The following CPSF4L variants were observed in gnomAD, a reference collection of about 807,000 sequenced individuals.
The protein encoded by CPSF4L is cleavage and polyadenylation specific factor 4 like, also known as putative cleavage and polyadenylation specificity factor subunit 4-like protein.
A neutral mutation model predicts 24.0 loss-of-function variants in CPSF4L; 18 were observed. That is an observed-to-expected ratio of 0.75 (90% CI 0.52 to 1.11). The LOEUF (loss-of-function observed/expected upper bound fraction) is 1.11, where lower values mean the gene tolerates loss of function less well. CPSF4L is among the 50% of genes least tolerant of loss of function. The pLI is 0.00. For missense variants in CPSF4L, 211 were observed against 221.8 expected (o/e 0.95, Z 0.31); for synonymous variants, 72 against 77.2 (o/e 0.93, Z 0.35).
chr17:73,259,831 A>T (rs1262911459), intron 2 of CPSF4L, among the ~76,000 whole-genome samples: 3 of 152,216 alleles, frequency 2.0e-5, no homozygotes, highest in Non-Finnish European at 4.4e-5. Context: ...TGGATCAGAA[A>T]ACATGTCCTA....
At chr17:73,253,901 C>T (rs1184437045) in intron 4 of CPSF4L, 30 bp downstream of exon 4, 25 of 1,492,518 alleles carry the variant, frequency 1.7e-5, no homozygotes, top group Non-Finnish European at 2.3e-5. Context: ...CCCCACAGCC[C>T]CTAGGGCTCC....
chr17:73,250,350 T>C, intron 5 of CPSF4L: 17 of 1,549,028 alleles, frequency 1.1e-5, no homozygotes, highest in Non-Finnish European at 1.5e-5. Flanking sequence ...AAATTCAGAT[T>C]TCTAAAGATG....
upstream of CPSF4L, chr17:73,261,974 G>A (rs763175144): frequency 1.6e-6 from 1 of 627,124 alleles, no homozygotes; most frequent in African/African-American, 1.8e-5. Context: ...CTCCAGCCTG[G>A]GCTGTACAGG....
intron 2 of CPSF4L, among the ~76,000 whole-genome samples, chr17:73,258,490 C>T (rs1054328970): frequency 1.3e-4 from 20 of 151,724 alleles, no homozygotes; most frequent in Non-Finnish European, 1.5e-4. Context: ...TTAGTAGAGA[C>T]GGGGTTTCAC....
chr17:73,262,023 G>C (rs2062048952), upstream of CPSF4L: 3 of 583,568 alleles, frequency 5.1e-6, no homozygotes, highest in South Asian at 6.1e-5. Flanking sequence ...ACCCAGTGCA[G>C]GGGCAGACAC....
chr17:73,255,314 C>G (rs749093848), intron 3 of CPSF4L, among the ~76,000 whole-genome samples: 53 of 152,052 alleles, frequency 3.5e-4, no homozygotes, highest in Admixed American at 1.6e-3. Context: ...TGAGACCAGA[C>G]TGGCCAACAT....
At chr17:73,248,901 G>T in intron 5 of CPSF4L, 1 of 194,502 alleles carries the variant, frequency 5.1e-6, no homozygotes, top group South Asian at 1.0e-4. Flanking sequence ...TACTTTATGG[G>T]GCATCTACAT....
At chr17:73,243,169 T>C in the CPSF4L span, 3 of 687,984 alleles carry the variant, frequency 4.4e-6, no homozygotes, top group Non-Finnish European at 7.8e-6. Context: ...GTTTTATTTT[T>C]TTGAGATACA....
At chr17:73,245,805 A>G, downstream of CPSF4L, 25 of 768,976 alleles carry the variant, frequency 3.3e-5, no homozygotes, top group Non-Finnish European at 4.0e-5. Context: ...GTTAAATCAC[A>G]TTTTATACAT....
chr17:73,261,767 C>A lies in CPSF4L; in HGVS notation c.52G>T (p.Asp18Tyr). 1 of 1,551,844 alleles carries A rather than the reference C, an allele frequency of 6.4e-7. No homozygotes were observed. The highest frequency in any genetic ancestry group is 1.2e-5 in the South Asian group (1 of 84,060). ...LERFTFAFEK[D>Y]VEMQKGTGLL... Reference sequence around the variant, plus strand: ...CCAGTGCCCTTCTGCATCTCGACATCCTTCTCGAAGGCAAAGGTGAACCGC... The same window carrying A: ...CCAGTGCCCTTCTGCATCTCGACATACTTCTCGAAGGCAAAGGTGAACCGC... The change falls in exon 1 of 6, where the codon GAT (aspartate) becomes TAT (tyrosine). Residue 18 changes from aspartate to tyrosine, a missense_variant. Coordinates refer to ENST00000344935, the MANE Select transcript of CPSF4L (RefSeq NM_001129885.1).
At chr17:73,256,411 C>A (rs1258647330) in intron 3 of CPSF4L, among the ~76,000 whole-genome samples, 1 of 152,188 alleles carries the variant, frequency 6.6e-6, no homozygotes. Flanking sequence ...TTCTCAGGTA[C>A]CCAGGACCCT....
chr17:73,260,624 G>C (rs531004624), intron 2 of CPSF4L, among the ~76,000 whole-genome samples: 1 of 152,084 alleles, frequency 6.6e-6, no homozygotes, highest in African/African-American at 2.4e-5. Flanking sequence ...AAAATTAGCC[G>C]GGCTTGGTGG....
chr17:73,242,469 T>C, the CPSF4L span: 3,788 of 651,084 alleles, frequency 5.8e-3, 36 homozygotes, highest in Admixed American at 9.5e-3. Context: ...AAATGTGTGT[T>C]GTCTTCCTAG....
chr17:73,247,532 G>C (rs1238784170), downstream of CPSF4L: 2 of 545,660 alleles, frequency 3.7e-6, no homozygotes, highest in African/African-American at 1.9e-5. Flanking sequence ...TCATAATCAG[G>C]GTGCTGAAAC....
upstream of CPSF4L, among the ~76,000 whole-genome samples, chr17:73,263,567 C>A (rs185437768): frequency 1.5e-4 from 23 of 151,582 alleles, no homozygotes; most frequent in Admixed American, 3.3e-4. Flanking sequence ...GCTGAGGAGG[C>A]GCTCAAGGGT....
At chr17:73,250,730 A>G (rs1406572281) in intron 5 of CPSF4L, among the ~76,000 whole-genome samples, 2 of 152,196 alleles carry the variant, frequency 1.3e-5, no homozygotes, top group Middle Eastern at 3.2e-3. Flanking sequence ...AATTTTAAGG[A>G]CGTTATGTAC....
At chr17:73,246,663 T>TG (rs1256403875), downstream of CPSF4L, among the ~76,000 whole-genome samples, 1 of 152,216 alleles carries the variant, frequency 6.6e-6, no homozygotes, top group African/African-American at 2.4e-5. Context: ...CCCAATCCCC[T>TG]GCTCCTTTCC....
At chr17:73,244,317 C>T (rs544540894), downstream of CPSF4L, among the ~76,000 whole-genome samples, 2 of 152,212 alleles carry the variant, frequency 1.3e-5, no homozygotes, top group Admixed American at 6.5e-5. Context: ...AATCCCAGCA[C>T]TTTGGGAGGC....
downstream of CPSF4L, chr17:73,245,445 T>C (rs531793025): frequency 3.4e-6 from 4 of 1,162,080 alleles, no homozygotes; most frequent in South Asian, 1.4e-4. Flanking sequence ...AGAGAAAAAC[T>C]AGTTTTGTTT....
Sources: allele counts gnomAD v4.1 joint callset (sites outside exome capture counted in the v4.1 genomes callset), GRCh38; gene constraint gnomAD v4.1.1; transcripts MANE v1.5; gene names NCBI Gene and HGNC (gene_info 2026-07-23, HGNC 2026-07-21).